The following AGBL1 variants were observed in gnomAD, a reference collection of about 807,000 sequenced individuals.
AGBL1 encodes the protein AGBL carboxypeptidase 1.
AGBL1 carries 130 observed loss-of-function variants against 118.9 expected under a neutral mutation model. That is an observed-to-expected ratio of 1.09 (90% CI 0.95 to 1.26). The LOEUF (loss-of-function observed/expected upper bound fraction) is 1.26. Among genes scored for constraint, AGBL1 ranks in the 50% most tolerant of loss-of-function variants. The pLI is 0.00. For synonymous variants in AGBL1, 555 were observed against 478.9 expected (o/e 1.16, Z -2.08); for missense variants, 1,584 against 1,298.1 (o/e 1.22, Z -3.38).
chr15:86,141,071 A>G (rs2076956766), intron 1 of AGBL1, among the ~76,000 whole-genome samples: 1 of 152,194 alleles, frequency 6.6e-6, no homozygotes, highest in Non-Finnish European at 1.5e-5. Context: ...CAGTGCAAAG[A>G]GCGCTGGCCT....
intron 24 of AGBL1, among the ~76,000 whole-genome samples, chr15:87,018,628 G>A (rs549120358): frequency 6.6e-6 from 1 of 151,834 alleles, no homozygotes; most frequent in Non-Finnish European, 1.5e-5. Context: ...ATATGGAAAG[G>A]AAAAACTGTT....
intron 3 of AGBL1, among the ~76,000 whole-genome samples, chr15:86,148,490 C>T (rs1567086105): frequency 1.3e-5 from 2 of 152,100 alleles, no homozygotes; most frequent in Non-Finnish European, 2.9e-5. Context: ...GCACAAGCTT[C>T]AGTAGCCAAT....
chr15:86,888,072 C>T (rs759843022), intron 22 of AGBL1, among the ~76,000 whole-genome samples: 1 of 152,112 alleles, frequency 6.6e-6, no homozygotes, highest in African/African-American at 2.4e-5. Flanking sequence ...GTGCATCTTG[C>T]GGGAGCATCA....
At chr15:86,196,879 G>GCGCGCGCGCGCACA (rs756313941) in intron 5 of AGBL1, among the ~76,000 whole-genome samples, 21 of 116,964 alleles carry the variant, frequency 1.8e-4, no homozygotes, top group African/African-American at 6.5e-4. Context: ...GCGCGCGCGC[G>GCGCGCGCGCGCACA]CACACACACA....
intron 21 of AGBL1, among the ~76,000 whole-genome samples, chr15:86,559,862 G>C (rs977830965): frequency 3.9e-5 from 6 of 152,108 alleles, no homozygotes; most frequent in African/African-American, 1.4e-4. Flanking sequence ...TGGTAAAAGG[G>C]GACCTGGGCT....
intron 22 of AGBL1, among the ~76,000 whole-genome samples, chr15:86,710,418 G>A (rs1596392960): frequency 6.6e-6 from 1 of 152,074 alleles, no homozygotes; most frequent in Non-Finnish European, 1.5e-5. Context: ...GAATGACTGT[G>A]AACCAAGGTA....
At chr15:86,539,713 C>T (rs1341953033) in intron 19 of AGBL1, among the ~76,000 whole-genome samples, 1 of 152,204 alleles carries the variant, frequency 6.6e-6, no homozygotes, top group Non-Finnish European at 1.5e-5. Flanking sequence ...GGATAGCTCT[C>T]ACTCAGTAAG....
At chr15:86,921,131 C>A (rs1041197956), downstream of AGBL1, among the ~76,000 whole-genome samples, 2 of 152,088 alleles carry the variant, frequency 1.3e-5, no homozygotes, top group Non-Finnish European at 2.9e-5. Flanking sequence ...ATTGGTTTGA[C>A]CAAAAAAGTT....
At chr15:86,842,595 G>A (rs1430651416) in intron 22 of AGBL1, among the ~76,000 whole-genome samples, 1 of 152,224 alleles carries the variant, frequency 6.6e-6, no homozygotes, top group East Asian at 1.9e-4. Flanking sequence ...AAGAGGACAT[G>A]GGCTCATGCT....
intron 17 of AGBL1, among the ~76,000 whole-genome samples, chr15:86,302,016 A>G (rs1039132160): frequency 6.6e-6 from 1 of 152,144 alleles, no homozygotes; most frequent in African/African-American, 2.4e-5. Context: ...ATCTGCCTGC[A>G]TATCAACAGT....
At chr15:86,525,335 C>T (rs959642433) in intron 19 of AGBL1, among the ~76,000 whole-genome samples, 27 of 152,082 alleles carry the variant, frequency 1.8e-4, no homozygotes, top group African/African-American at 6.5e-4. Context: ...AAGTGATCTA[C>T]AGATTTAATG....
chr15:86,372,405 T>C (rs937219345), intron 17 of AGBL1, among the ~76,000 whole-genome samples: 47 of 152,174 alleles, frequency 3.1e-4, no homozygotes, highest in Non-Finnish European at 4.7e-4. Context: ...CAAATGTAGA[T>C]TGTTTTCCCT....
intron 16 of AGBL1, among the ~76,000 whole-genome samples, chr15:86,281,064 C>CA (rs1204013661): frequency 2.6e-5 from 4 of 152,150 alleles, no homozygotes; most frequent in African/African-American, 9.7e-5. Context: ...TTTTTATGGT[C>CA]TTGCCTGTGA....
intron 21 of AGBL1, among the ~76,000 whole-genome samples, chr15:86,558,809 G>A (rs191180812): frequency 2.0e-5 from 3 of 152,252 alleles, no homozygotes; most frequent in African/African-American, 2.4e-5. Flanking sequence ...ACTAGAGACC[G>A]CAGATCAGAG....
chr15:86,192,003 A>C (rs2077730461), intron 5 of AGBL1, among the ~76,000 whole-genome samples: 1 of 151,410 alleles, frequency 6.6e-6, no homozygotes, highest in Non-Finnish European at 1.5e-5. Flanking sequence ...TAGGAGGCTG[A>C]GGTTGGAGGG....
intron 6 of AGBL1, among the ~76,000 whole-genome samples, chr15:86,234,268 C>G (rs1387658335): frequency 6.6e-6 from 1 of 151,992 alleles, no homozygotes; most frequent in Non-Finnish European, 1.5e-5. Flanking sequence ...GAGTAAGTCA[C>G]AAGGCCGAGA....
At chr15:86,336,659 A>G (rs758222588) in intron 17 of AGBL1, among the ~76,000 whole-genome samples, 111 of 152,216 alleles carry the variant, frequency 7.3e-4, no homozygotes, top group Non-Finnish European at 1.4e-3. Context: ...GCTCTGATCC[A>G]TAATTTATAC....
chr15:86,738,954 A>G (rs896699457), intron 22 of AGBL1, among the ~76,000 whole-genome samples: 16 of 152,210 alleles, frequency 1.1e-4, no homozygotes, highest in African/African-American at 3.4e-4. Context: ...CCTAGGAAAC[A>G]AAATGAGACC....
At chr15:86,402,339 A>C (rs931427310) in intron 18 of AGBL1, among the ~76,000 whole-genome samples, 4 of 151,994 alleles carry the variant, frequency 2.6e-5, no homozygotes, top group African/African-American at 9.7e-5. Flanking sequence ...CATTGATTAG[A>C]TGTAGGAGCT....
Sources: gnomAD v4.1 joint callset for allele counts (sites outside exome capture counted in the v4.1 genomes callset) on GRCh38, gnomAD v4.1.1 for gene constraint, MANE v1.5 for transcripts, NCBI Gene and HGNC (gene_info 2026-07-23, HGNC 2026-07-21) for gene names.